Variants in CD34 observed in about 807,000 individuals in gnomAD.
CD34 encodes CD34 molecule, also known as hematopoietic progenitor cell antigen CD34.
CD34 carries 34 observed loss-of-function variants against 40.1 expected under a neutral mutation model. The ratio of observed to expected loss-of-function variants is 0.85; its 90% confidence interval spans 0.65 to 1.13. The LOEUF is 1.13. Among genes scored for constraint, CD34 ranks in the 50% most tolerant of loss-of-function variants. The pLI is 0.00. For synonymous variants in CD34, 209 were observed against 190.0 expected (o/e 1.10, Z -0.82); for missense variants, 426 against 466.9 (o/e 0.91, Z 0.81).
Position 207,887,366 on chromosome 1 carries a change from C to G in CD34, c.*372G>C, listed in dbSNP as rs1025711883. Reference sequence around the variant, plus strand: ...AAGCTTCCTGGGAGAAAATTGTAGCCTAGAAAAGCTCATCTTTCCCCTGGG... The same window carrying G: ...AAGCTTCCTGGGAGAAAATTGTAGCGTAGAAAAGCTCATCTTTCCCCTGGG... On this transcript the variant is annotated 3_prime_UTR_variant, in exon 8 of 8. Coordinates refer to ENST00000310833, the MANE Select transcript of CD34 (RefSeq NM_001025109.2). The G allele has an allele frequency of 2.9e-5, 6 of 204,736 alleles. No individual in the cohort carries two copies. Among genetic ancestry groups the G allele is most frequent in the Admixed American group, 1.1e-4 (2 of 18,054 alleles). 12.7% of individuals were successfully genotyped at this position (204,736 alleles called of 1,614,324 possible).
In CD34 at chr1:207,889,519, C is replaced by T. The variant is rs1661984102; in HGVS notation, c.700G>A (p.Ala234Thr). 2 of 1,614,152 alleles carry T rather than the reference C, an allele frequency of 1.2e-6. No homozygotes were observed. Among genetic ancestry groups the T allele is most frequent in the Non-Finnish European group, 1.7e-6 (2 of 1,179,998 alleles). ...AGAQVCSLLL[A>T]QSEVRPQCLL... ...CACTGAGGCCTCACCTCAGACTGGG[C>T]AAGGAGCAGGGAGCATACCTGGGCC... Residue 234 changes from alanine to threonine, a missense_variant, in exon 5 of 8, where the codon GCC becomes ACC. Transcript: ENST00000310833.
rs1661844441 is a variant in CD34, at chr1:207,883,522, T to A, written c.*4216A>T. On this transcript the variant is annotated 3_prime_UTR_variant, in exon 8 of 8. Coordinates refer to ENST00000310833, the MANE Select transcript of CD34 (RefSeq NM_001025109.2). ...TCCCCAAGATTTAAACATTTGGGGT[T>A]CAAATAAACTCACATCCTATTCATC... 6.6e-6 allele frequency: 1 copy of A among 152,204 alleles called. No homozygotes were observed. Among genetic ancestry groups the A allele is most frequent in the Non-Finnish European group, 1.5e-5 (1 of 68,034 alleles). 9.4% of individuals were successfully genotyped at this position (152,204 alleles called of 1,614,324 possible). A position where few individuals can be genotyped will look rare whatever the true frequency, so the allele number is the denominator to read the frequency against.
intron 1 of CD34, among the ~76,000 whole-genome samples, chr1:207,906,195 T>G (rs957728176): frequency 2.6e-5 from 4 of 152,194 alleles, no homozygotes; most frequent in Non-Finnish European, 5.9e-5. Flanking sequence ...AGATTAAATC[T>G]GTACCAGCCC....
intron 1 of CD34, among the ~76,000 whole-genome samples, chr1:207,909,221 C>CCCCCAA (rs766550932): frequency 1.3e-5 from 2 of 152,052 alleles, no homozygotes; most frequent in East Asian, 1.9e-4. Flanking sequence ...TTGTGTTGCT[C>CCCCCAA]CCCCAACCCC....
At chr1:207,892,315 T>C (rs546227157) in intron 4 of CD34, among the ~76,000 whole-genome samples, 1 of 152,310 alleles carries the variant, frequency 6.6e-6, no homozygotes, top group East Asian at 1.9e-4. Context: ...CAGTGGCTCA[T>C]GCCTGTAATC....
intron 1 of CD34, among the ~76,000 whole-genome samples, chr1:207,903,960 T>C (rs1050016230): frequency 1.3e-5 from 2 of 152,004 alleles, no homozygotes; most frequent in African/African-American, 2.4e-5. Context: ...CCACGACATG[T>C]TCATGATACA....
Position 207,899,153 on chromosome 1 carries a change from T to C in CD34, c.336A>G (p.Ser112=), listed in dbSNP as rs747471462. The C allele has an allele frequency of 7.4e-6, 12 of 1,614,034 alleles. No homozygotes were observed. The highest frequency in any genetic ancestry group is 2.2e-5 in the East Asian group (1 of 44,900). The change falls in exon 3 of 8, where the codon TCA becomes TCG. Residue 112 remains serine (S), a synonymous_variant. Transcript: ENST00000310833. ...ACACTGTGCTGATTACAGAGGTCTG[T>C]GACTGGACAGAAGAGTTTGTGTTTC... is the stretch of plus-strand genomic sequence containing the variant. The part of the protein sequence containing the change: ...VYGNTNSSVQ[S]QTSVISTVFT...
In CD34 at chr1:207,882,654, A is replaced by G. The variant is rs1216951643; in HGVS notation, c.*5084T>C. On this transcript the variant is annotated 3_prime_UTR_variant, in exon 8 of 8. Transcript: ENST00000310833. ...ACTCAGCAAAGAAATAGAAGGTATA[A>G]AGAAGAATCACATGCTTTGCTTGAG... 6.6e-6 allele frequency: 1 copy of G among 152,230 alleles called. No homozygotes were observed. Among genetic ancestry groups the G allele is most frequent in the African/African-American group, 2.4e-5 (1 of 41,448 alleles). 9.4% of individuals were successfully genotyped at this position (152,230 alleles called of 1,614,324 possible). A position where few individuals can be genotyped will look rare whatever the true frequency, so the allele number is the denominator to read the frequency against.
intron 1 of CD34, among the ~76,000 whole-genome samples, chr1:207,903,696 A>T (rs1390852174): frequency 6.6e-6 from 1 of 152,236 alleles, no homozygotes; most frequent in East Asian, 1.9e-4. Flanking sequence ...AGAGTCAATT[A>T]TTCTTGTTTT....
At chr1:207,908,725 C>T (rs1372974238) in intron 1 of CD34, among the ~76,000 whole-genome samples, 1 of 152,204 alleles carries the variant, frequency 6.6e-6, no homozygotes, top group East Asian at 1.9e-4. Flanking sequence ...GGCAGTGCTG[C>T]CTGGTGGCCC....
In CD34 at chr1:207,899,827, T is replaced by C. The variant is rs761408025; in HGVS notation, c.256A>G (p.Ile86Val). 2 of 1,609,864 alleles carry C rather than the reference T, an allele frequency of 1.2e-6. No homozygotes were observed. Among genetic ancestry groups the C allele is most frequent in the South Asian group, 1.1e-5 (1 of 90,104 alleles). ...SQHGNEATTN[I>V]TETTVKFTST... ...ACACAAATGCTGTTTTTACCTGTGATGTTTGTTGTGGCCTCATTGCCATGT... is the reference window on the plus strand; with the variant it reads ...ACACAAATGCTGTTTTTACCTGTGACGTTTGTTGTGGCCTCATTGCCATGT... The change falls in exon 2 of 8, where the codon ATC becomes GTC. Residue 86 changes from isoleucine (I) to valine (V), a missense_variant. Coordinates refer to ENST00000310833, the MANE Select transcript of CD34 (RefSeq NM_001025109.2).
At position 207,889,554 on chromosome 1, in the gene CD34, G is replaced by A; in HGVS notation, c.665C>T (p.Ala222Val). ...GGAGCATACCTGGGCCCCAGCATCA[G>A]CATCAGCCTGCTCCTCCCCACACAG... Reference protein sequence around the residue: ...RVLCGEEQADADAGAQVCSLL... With the variant: ...RVLCGEEQADVDAGAQVCSLL... Residue 222 changes from alanine to valine, a missense_variant, in exon 5 of 8, where the codon GCT becomes GTT. Ala to Val is a moderately conservative substitution (Grantham distance 64). Transcript: ENST00000310833. 2 of 1,614,122 alleles carry A rather than the reference G, an allele frequency of 1.2e-6. No individual in the cohort carries two copies. Among genetic ancestry groups the A allele is most frequent in the Non-Finnish European group, 8.5e-7 (1 of 1,180,008 alleles).
chr1:207,893,877 G>A lies in CD34; in HGVS notation c.597+3616C>T, dbSNP rs192345464. Among the ~76,000 whole-genome samples, 5 of 152,148 alleles carry A rather than the reference G, an allele frequency of 3.3e-5. No homozygotes were observed. In the East Asian group the frequency reaches 7.7e-4, roughly 24 times the overall value. Reference sequence around the variant, plus strand: ...ATCAAAACCACCATGAAATACCACCGCATACCCATTAGGATGGCTGCTATT... The same window carrying A: ...ATCAAAACCACCATGAAATACCACCACATACCCATTAGGATGGCTGCTATT... On this transcript the variant is annotated intron_variant, in intron 4 of 7. Coordinates refer to ENST00000310833, the MANE Select transcript of CD34 (RefSeq NM_001025109.2).
At position 207,888,905 on chromosome 1, in the gene CD34, G is replaced by A. The variant is rs537198013; in HGVS notation, c.808-59C>T. ...ACTTGCCAAAAGTGGAGCCCAGCCCGCTCCAGCCCTCTGTGTGTGACTCAA... is the reference window on the plus strand; with the variant it reads ...ACTTGCCAAAAGTGGAGCCCAGCCCACTCCAGCCCTCTGTGTGTGACTCAA... On this transcript the variant is annotated intron_variant, in intron 6 of 7. Transcript: ENST00000310833. The A allele has an allele frequency of 5.8e-5, 89 of 1,538,564 alleles. 1 individual carries two copies. In the South Asian group the frequency reaches 6.6e-4, roughly 11 times the overall value.
rs563272806 is a variant in CD34 at position 207,889,808 on chromosome 1, C to A, written c.598-187G>T. On this transcript the variant is annotated intron_variant, in intron 4 of 7. Transcript: ENST00000310833. ...GTGCAACAACACAATAAGAAAAAAA[C>A]CTAAATAATCTCCCAGGACCAAAAT... 3.8e-6 allele frequency: 6 copies of A among 1,573,446 alleles called. No individual in the cohort carries two copies. The East Asian group carries it at 1.1e-4, about 29-fold the overall frequency.
intron 5 of CD34, 76 bp downstream of exon 5, chr1:207,889,389 T>C: frequency 6.5e-7 from 1 of 1,538,816 alleles, no homozygotes; most frequent in Admixed American, 1.9e-5. Context: ...GGATCTAAGA[T>C]GCCCCATCTC....
Position 207,899,024 on chromosome 1 carries a change from T to C in CD34, c.465A>G (p.Thr155=), listed in dbSNP as rs942542419. ...ATGATGTATAGGGTTTAGTGGGAGA[T>C]GTTGCAAGGCTAGTGCTAGTGGTTG... ...DLSTTSTSLA[T]SPTKPYTSSS... is the part of the protein sequence containing the mutation. Residue 155 remains threonine (T), a synonymous_variant, in exon 3 of 8, where the codon ACA becomes ACG. Transcript: ENST00000310833. The C allele has an allele frequency of 6.2e-7, 1 of 1,614,188 alleles. No individual in the cohort carries two copies. Among genetic ancestry groups the C allele is most frequent in the Non-Finnish European group, 8.5e-7 (1 of 1,180,022 alleles).
intron 3 of CD34, 78 bp downstream of exon 3, chr1:207,898,895 G>A: frequency 1.4e-6 from 2 of 1,449,368 alleles, no homozygotes; most frequent in South Asian, 1.2e-5. Flanking sequence ...TGAGGAGAGG[G>A]GTGGAGGGAA....
Position 207,883,212 on chromosome 1 carries a change from T to C in CD34, c.*4526A>G, listed in dbSNP as rs907802230. ...CTTCTCTGTCATACCAGAAAACACATTGTCCTTTGACAGTACCTTATCTTT... is the reference window on the plus strand; with the variant it reads ...CTTCTCTGTCATACCAGAAAACACACTGTCCTTTGACAGTACCTTATCTTT... On this transcript the variant is annotated 3_prime_UTR_variant, in exon 8 of 8. Transcript: ENST00000310833. The C allele has an allele frequency of 2.6e-5, 4 of 152,230 alleles. No individual in the cohort carries two copies. The highest frequency in any genetic ancestry group is 9.6e-5 in the African/African-American group (4 of 41,454). The allele number at this position is 152,230 out of a possible 1,614,324, so 9.4% of individuals were successfully genotyped here. A position where few individuals can be genotyped will look rare whatever the true frequency, so the allele number is the denominator to read the frequency against.
Sources: allele counts gnomAD v4.1 joint callset (sites outside exome capture counted in the v4.1 genomes callset), GRCh38; gene constraint gnomAD v4.1.1; transcripts MANE v1.5; gene names NCBI Gene and HGNC (gene_info 2026-07-23, HGNC 2026-07-21).